EFCAB10: variants seen among roughly 807,000 people sequenced by gnomAD.
EFCAB10 encodes EF-hand calcium binding domain 10.
Under a neutral mutation model 7.7 loss-of-function variants are expected in EFCAB10, and 7 were observed. The ratio of observed to expected loss-of-function variants is 0.91; its 90% confidence interval spans 0.52 to 1.72. The LOEUF (loss-of-function observed/expected upper bound fraction) is 1.72, where lower values mean the gene tolerates loss of function less well. Ranked by LOEUF, EFCAB10 falls within the 40% of genes most tolerant of loss-of-function variation. EFCAB10 has a pLI of 0.00. For synonymous variants in EFCAB10, 52 were observed against 21.0 expected (o/e 2.47, Z -4.03); for missense variants, 112 against 61.5 (o/e 1.82, Z -2.74).
intron 3 of EFCAB10, among the ~76,000 whole-genome samples, chr7:105,568,533 G>A (rs1462231238): frequency 1.3e-5 from 2 of 152,182 alleles, no homozygotes; most frequent in African/African-American, 2.4e-5. Flanking sequence ...CTATTAGTAT[G>A]TATTTTATAG....
intron 3 of EFCAB10, among the ~76,000 whole-genome samples, chr7:105,567,828 C>G (rs557669720): frequency 6.6e-6 from 1 of 151,806 alleles, no homozygotes; most frequent in Non-Finnish European, 1.5e-5. Flanking sequence ...GGCAGGAGTG[C>G]GAAAACATCC....
intron 1 of EFCAB10, among the ~76,000 whole-genome samples, chr7:105,578,786 T>G (rs1721500): frequency 0.18 from 27,400 of 152,002 alleles, 2,609 homozygotes; most frequent in South Asian, 0.24. Flanking sequence ...CTTATTTTAT[T>G]TTATGAGACA....
In EFCAB10 at chr7:105,569,566, G is replaced by T. The variant is rs571177830; in HGVS notation, c.112C>A (p.Pro38Thr). Residue 38 changes from proline to threonine, a missense_variant, in exon 2 of 5, where the codon CCA (proline) becomes ACA (threonine). Transcript: ENST00000480514. ...AATAGAGATATTAAATATTCTTTTG[G>T]TTTTTCTGCAAAAGAATAGTTCCAG... ...SALLFFRPEK[P>T]KEYLISLLER... is the part of the protein sequence containing the mutation. 9.9e-5 allele frequency: 68 copies of T among 690,154 alleles called. No homozygotes were observed. In the South Asian group the frequency reaches 1.1e-3, roughly 11 times the overall value. 42.8% of individuals were successfully genotyped at this position (690,154 alleles called of 1,614,324 possible).
chr7:105,565,614 C>T lies in EFCAB10; in HGVS notation c.*-167G>A. The stretch of plus-strand genomic sequence containing the variant: ...TCGGAATCTTTTCCCTTTGTTTTCT[C>T]ACTATTGCAAGAGACCAGAAAATTA... On this transcript the variant is annotated intron_variant, in intron 4 of 4. Coordinates refer to ENST00000480514, the MANE Select transcript of EFCAB10 (RefSeq NM_001355526.2). 6.2e-7 allele frequency: 1 copy of T among 1,612,960 alleles called. No individual in the cohort carries two copies. The highest frequency in any genetic ancestry group is 8.5e-7 in the Non-Finnish European group (1 of 1,179,150).
chr7:105,568,887 T>C (rs1334964713), intron 3 of EFCAB10, among the ~76,000 whole-genome samples: 1 of 149,666 alleles, frequency 6.7e-6, no homozygotes, highest in Admixed American at 6.7e-5. Flanking sequence ...GAGGTGGAGG[T>C]TGCAGTGAGC....
chr7:105,567,855 A>G (rs1188364091), intron 3 of EFCAB10, among the ~76,000 whole-genome samples: 1 of 152,034 alleles, frequency 6.6e-6, no homozygotes, highest in Non-Finnish European at 1.5e-5. Flanking sequence ...ACATGTCAAG[A>G]CCCTGATGCA....
chr7:105,578,212 G>A (rs867107597), intron 1 of EFCAB10, among the ~76,000 whole-genome samples: 5 of 152,054 alleles, frequency 3.3e-5, no homozygotes, highest in Non-Finnish European at 5.9e-5. Context: ...AAATATCCCC[G>A]GTTTGGATGA....
At chr7:105,565,958 G>A (rs1215039991) in intron 4 of EFCAB10, among the ~76,000 whole-genome samples, 2 of 152,106 alleles carry the variant, frequency 1.3e-5, no homozygotes, top group Non-Finnish European at 2.9e-5. Flanking sequence ...GTACAGTTGT[G>A]CCCTATTCAC....
intron 4 of EFCAB10, 135 bp from the exon 5 acceptor site, chr7:105,565,582 A>G (rs1791685271): frequency 1.2e-6 from 2 of 1,614,036 alleles, no homozygotes; most frequent in Non-Finnish European, 8.5e-7. Flanking sequence ...CTGCAGTTTG[A>G]TATGACTCGG....
chr7:105,574,151 T>C (rs950819323), intron 1 of EFCAB10, among the ~76,000 whole-genome samples: 4 of 141,066 alleles, frequency 2.8e-5, no homozygotes, highest in East Asian at 2.1e-4. Context: ...TATATACACA[T>C]ACATATATAT....
Position 105,569,480 on chromosome 7 carries a change from A to G in EFCAB10, c.198T>C (p.Ser66=), listed in dbSNP as rs1310559160. 1 of 703,006 alleles carries G rather than the reference A, an allele frequency of 1.4e-6. No individual in the cohort carries two copies. Among genetic ancestry groups the G allele is most frequent in the Non-Finnish European group, 2.6e-6 (1 of 385,032 alleles). 43.5% of individuals were successfully genotyped at this position (703,006 alleles called of 1,614,324 possible). ...TCATCTCAAACATAGCCACAATGTT[A>G]GAGTTATCCATAAAGAAAGGAAACG... ...GVAFPFFMDN[S]NIVAMFEMMD... is the part of the protein sequence containing the mutation. The change falls in exon 2 of 5, where the codon TCT becomes TCC. Residue 66 remains serine, a synonymous_variant. Coordinates refer to ENST00000480514, the MANE Select transcript of EFCAB10 (RefSeq NM_001355526.2).
At chr7:105,574,195 C>CAT (rs3999802) in intron 1 of EFCAB10, among the ~76,000 whole-genome samples, 143,111 of 148,686 alleles carry the variant, frequency 0.96, 68,994 homozygotes, top group East Asian at 1. Flanking sequence ...TACACACACA[C>CAT]GTATATATAT....
At chr7:105,570,010 G>A (rs988775111) in intron 1 of EFCAB10, among the ~76,000 whole-genome samples, 1 of 150,966 alleles carries the variant, frequency 6.6e-6, no homozygotes, top group Non-Finnish European at 1.5e-5. Flanking sequence ...ATCACCTGAG[G>A]TTGGGAGTTT....
In EFCAB10 at chr7:105,567,125, A is replaced by G. The variant is rs758183598; in HGVS notation, c.383+342T>C. On this transcript the variant is annotated intron_variant, in intron 4 of 4. Transcript: ENST00000480514. Reference sequence around the variant, plus strand: ...CTTTGTTTTCCCTAAACAGTATAAAAGAAGCCTGTATTGTTTTGAATTTGA... The same window carrying G: ...CTTTGTTTTCCCTAAACAGTATAAAGGAAGCCTGTATTGTTTTGAATTTGA... The G allele has an allele frequency of 2.4e-5, 37 of 1,558,758 alleles. No homozygotes were observed. Among genetic ancestry groups the G allele is most frequent in the East Asian group, 2.0e-4 (9 of 43,966 alleles).
intron 1 of EFCAB10, among the ~76,000 whole-genome samples, chr7:105,577,635 G>C (rs567704441): frequency 6.6e-6 from 1 of 152,142 alleles, no homozygotes; most frequent in South Asian, 2.1e-4. Flanking sequence ...GATCAGGTAA[G>C]TGGGCTCATG....
chr7:105,577,131 T>C (rs182440175), intron 1 of EFCAB10, among the ~76,000 whole-genome samples: 2 of 152,270 alleles, frequency 1.3e-5, no homozygotes, highest in Non-Finnish European at 2.9e-5. Context: ...ATATAATTAA[T>C]GTATGAGTAT....
chr7:105,575,453 T>C (rs925341334), intron 1 of EFCAB10, among the ~76,000 whole-genome samples: 41 of 152,100 alleles, frequency 2.7e-4, no homozygotes, highest in African/African-American at 9.9e-4. Flanking sequence ...GGATTACAAG[T>C]GTCCGCCACC....
intron 4 of EFCAB10, among the ~76,000 whole-genome samples, chr7:105,565,975 T>C (rs371445107): frequency 2.0e-5 from 3 of 152,128 alleles, no homozygotes; most frequent in East Asian, 3.9e-4. Context: ...TCACTAAATA[T>C]AAGAAATTAC....
intron 1 of EFCAB10, among the ~76,000 whole-genome samples, chr7:105,580,254 T>A (rs1163654670): frequency 1.3e-5 from 2 of 151,978 alleles, no homozygotes; most frequent in Non-Finnish European, 2.9e-5. Context: ...TCCCAGAGCG[T>A]TGGTATTATA....
Sources: allele counts gnomAD v4.1 joint callset (sites outside exome capture counted in the v4.1 genomes callset), GRCh38; gene constraint gnomAD v4.1.1; transcripts MANE v1.5; gene names NCBI Gene and HGNC (gene_info 2026-07-23, HGNC 2026-07-21).